The following COL6A6 variants were observed in gnomAD, a reference collection of about 807,000 sequenced individuals.
COL6A6 encodes collagen alpha-6(VI) chain.
A neutral mutation model predicts 208.6 loss-of-function variants in COL6A6; 183 were observed. The ratio of observed to expected loss-of-function variants is 0.88; its 90% CI spans 0.78 to 0.99. The LOEUF is 0.99. COL6A6 is among the 50% of genes least tolerant of loss of function. The pLI is 0.00. For synonymous variants in COL6A6, 973 were observed against 1,011.8 expected, an observed-to-expected ratio of 0.96 and a Z score of 0.73; for missense variants, 2,816 against 2,815.2, an observed-to-expected ratio of 1.00 and a Z score of -0.01.
chr3:130,562,139 A>G (rs1043985859), intron 2 of COL6A6, among the ~76,000 whole-genome samples: 4 of 152,186 alleles, frequency 2.6e-5, no homozygotes, highest in Non-Finnish European at 4.4e-5. Flanking sequence ...ATCTTATGCT[A>G]AGGTAGAGAG....
chr3:130,639,189 TTG>T, intron 28 of COL6A6, among the ~76,000 whole-genome samples: 1 of 152,232 alleles, frequency 6.6e-6, no homozygotes, highest in Non-Finnish European at 1.5e-5. Context: ...TTTCAAGAGC[TTG>T]TTATTGTTCT....
Position 130,567,097 on chromosome 3 carries a change from CT to C in COL6A6, c.1679del (p.Leu560ArgfsTer21). ...TAGCATCTTGGAGCCTGCAAACAGACTGAGAGAAGAGCACATCCGAGTTTAT... is the reference window on the plus strand; with the variant it reads ...TAGCATCTTGGAGCCTGCAAACAGACGAGAGAAGAGCACATCCGAGTTTAT... ...KDSILEPANRLREEHIRVYAI... is the reference protein window; with the variant it reads ...KDSILEPANRXREEHIRVYAI... On this transcript the variant is annotated frameshift_variant, in exon 5 of 37. Coordinates refer to ENST00000358511, the MANE Select transcript of COL6A6 (RefSeq NM_001102608.3). LOFTEE classifies it high-confidence loss of function. 3.1e-6 allele frequency: 5 copies of C among 1,613,978 alleles called. No individual in the cohort carries two copies. The highest frequency in any genetic ancestry group is 4.2e-6 in the Non-Finnish European group (5 of 1,179,880).
intron 36 of COL6A6, among the ~76,000 whole-genome samples, chr3:130,668,537 T>C (rs993148797): frequency 6.6e-6 from 1 of 151,756 alleles, no homozygotes; most frequent in Non-Finnish European, 1.5e-5. Flanking sequence ...TATAAGGAAA[T>C]GGAGAGGCAG....
At chr3:130,623,363 CAGAG>C (rs1234034165) in intron 24 of COL6A6, among the ~76,000 whole-genome samples, 1 of 152,072 alleles carries the variant, frequency 6.6e-6, no homozygotes, top group African/African-American at 2.4e-5. Context: ...GAGGCTAAGA[CAGAG>C]AGAATTGCTT....
chr3:130,573,815 C>T (rs952850468), intron 7 of COL6A6, 141 bp from the exon 8 acceptor site: 19 of 601,216 alleles, frequency 3.2e-5, no homozygotes, highest in Admixed American at 5.9e-5. Flanking sequence ...GTGATCTGCC[C>T]GCCTCGGCCT....
chr3:130,591,069 G>A lies in COL6A6; in HGVS notation c.4247G>A (p.Gly1416Asp). 6.3e-7 allele frequency: 1 copy of A among 1,584,232 alleles called. No homozygotes were observed. The highest frequency in any genetic ancestry group is 8.6e-7 in the Non-Finnish European group (1 of 1,163,452). ...RGPPGFKGSEGYLGEEGIAGE... is the reference protein window; with the variant it reads ...RGPPGFKGSEDYLGEEGIAGE... ...CCTCCAGGTTTTAAAGGCAGTGAAG[G>A]CTACCTGGGAGAGGAGGGAATCGCT... The change falls in exon 13 of 37, where the codon GGC becomes GAC. Residue 1416 changes from glycine (G) to aspartate (D), a missense_variant. Physicochemically the swap from Gly to Asp is moderately conservative, Grantham distance 94 (BLOSUM62 -1). Coordinates refer to ENST00000358511, the MANE Select transcript of COL6A6 (RefSeq NM_001102608.3).
At chr3:130,674,089 G>A (rs577026839) in intron 36 of COL6A6, among the ~76,000 whole-genome samples, 8 of 152,232 alleles carry the variant, frequency 5.3e-5, no homozygotes, top group African/African-American at 1.2e-4. Flanking sequence ...AAAGCTGCTC[G>A]GCTAGGGGCT....
chr3:130,644,960 TAATC>T, intron 31 of COL6A6, 27 bp from the exon 32 acceptor site: 1 of 1,605,260 alleles, frequency 6.2e-7, no homozygotes, highest in Non-Finnish European at 8.5e-7. Context: ...TACCAAATAA[TAATC>T]CAATCTCCTT....
At chr3:130,560,241 C>A in intron 1 of COL6A6, 93 bp from the exon 2 acceptor site, 1 of 699,984 alleles carries the variant, frequency 1.4e-6, no homozygotes, top group Non-Finnish European at 2.3e-6. Flanking sequence ...CCTGTTACAC[C>A]CAATTTATTA....
At chr3:130,635,621 T>A in intron 27 of COL6A6, 78 bp from the exon 28 acceptor site, 16 of 941,724 alleles carry the variant, frequency 1.7e-5, no homozygotes, top group Non-Finnish European at 2.6e-5. Context: ...CATGTTAGAA[T>A]CAGTTTAAAG....
At chr3:130,541,874 T>A (rs949700107) in intron 1 of COL6A6, among the ~76,000 whole-genome samples, 1 of 152,214 alleles carries the variant, frequency 6.6e-6, no homozygotes, top group Non-Finnish European at 1.5e-5. Context: ...TGTATATTCT[T>A]GTGTGAGTTT....
chr3:130,564,787 T>C (rs925916817), intron 3 of COL6A6, among the ~76,000 whole-genome samples: 1 of 152,216 alleles, frequency 6.6e-6, no homozygotes, highest in East Asian at 1.9e-4. Flanking sequence ...GTCTCCCTTT[T>C]ACAGATGAGG....
intron 1 of COL6A6, among the ~76,000 whole-genome samples, chr3:130,544,493 G>T (rs2062446568): frequency 6.6e-6 from 1 of 152,198 alleles, no homozygotes; most frequent in Non-Finnish European, 1.5e-5. Flanking sequence ...ATGAACAAAG[G>T]AGTGCAGATA....
At position 130,661,925 on chromosome 3, in the gene COL6A6, G is replaced by A. The variant is rs1460857309; in HGVS notation, c.6119G>A (p.Ser2040Asn). 1 of 1,613,880 alleles carries A rather than the reference G, an allele frequency of 6.2e-7. No individual in the cohort carries two copies. Reference sequence around the variant, plus strand: ...GAGTTCAATCTTACCACCTACAGAAGTAAGCGCCTCATGAAGAGGCATGTG... The same window carrying A: ...GAGTTCAATCTTACCACCTACAGAAATAAGCGCCTCATGAAGAGGCATGTG... ...RAEFNLTTYR[S>N]KRLMKRHVHE... Residue 2040 changes from serine to asparagine, a missense_variant, in exon 35 of 37, where the codon AGT (serine) becomes AAT (asparagine). Transcript: ENST00000358511.
chr3:130,569,180 CTA>C (rs2063101947), intron 6 of COL6A6, among the ~76,000 whole-genome samples: 1 of 152,182 alleles, frequency 6.6e-6, no homozygotes, highest in Admixed American at 6.5e-5. Context: ...TACACATCTA[CTA>C]TATATGGTGC....
In COL6A6 at chr3:130,564,953, C is replaced by T. The variant is rs765523171; in HGVS notation, c.662-41C>T. On this transcript the variant is annotated intron_variant, in intron 3 of 36. Coordinates refer to ENST00000358511, the MANE Select transcript of COL6A6 (RefSeq NM_001102608.3). ...TCTAATGCTCACCAAAGATGCTGAA[C>T]CACCAGCTAAAATTGTGCTTGTTTA... 5.0e-6 allele frequency: 8 copies of T among 1,591,186 alleles called. No homozygotes were observed. The African/African-American group carries it at 9.4e-5, about 19-fold the overall frequency.
chr3:130,665,922 C>T (rs999081495), intron 36 of COL6A6, among the ~76,000 whole-genome samples: 5 of 152,056 alleles, frequency 3.3e-5, no homozygotes, highest in South Asian at 2.1e-4. Context: ...TGTGCCTTTA[C>T]GTGGTGAGAT....
intron 18 of COL6A6, among the ~76,000 whole-genome samples, chr3:130,596,839 TG>T (rs2063865467): frequency 6.6e-6 from 1 of 152,186 alleles, no homozygotes. Context: ...AAAGAAATAT[TG>T]GGGGAAAACA....
In COL6A6 at chr3:130,622,178, C is replaced by T. The variant is rs186131011; in HGVS notation, c.4878+295C>T. On this transcript the variant is annotated intron_variant, in intron 24 of 36. Transcript: ENST00000358511. Reference sequence around the variant, plus strand: ...CAGGCCTTCCTTTCTCTCTTCCAATCTCTCTTAATTTCCTCCCCCCGCCTA... The same window carrying T: ...CAGGCCTTCCTTTCTCTCTTCCAATTTCTCTTAATTTCCTCCCCCCGCCTA... Among the ~76,000 whole-genome samples the T allele has an allele frequency of 8.6e-5, 13 of 151,140 alleles. 1 individual carries two copies. The East Asian group carries it at 1.8e-3, about 20-fold the overall frequency.
Sources: allele counts gnomAD v4.1 joint callset (sites outside exome capture counted in the v4.1 genomes callset), GRCh38; gene constraint gnomAD v4.1.1; transcripts MANE v1.5; gene names NCBI Gene and HGNC (gene_info 2026-07-23, HGNC 2026-07-21).